Variants in SH2D5 observed in about 807,000 individuals in gnomAD.
SH2D5 encodes SH2 domain containing 5.
SH2D5 carries 45 observed loss-of-function variants against 48.2 expected under a neutral mutation model. The observed-to-expected ratio is 0.93, with a 90% CI of 0.73 to 1.20. The LOEUF is 1.20. Among genes scored for constraint, SH2D5 ranks in the 50% most tolerant of loss-of-function variants. The pLI is 0.00. For synonymous variants in SH2D5, 230 were observed against 249.8 expected, an observed-to-expected ratio of 0.92 and a Z score of 0.75; for missense variants, 538 against 584.1, an observed-to-expected ratio of 0.92 and a Z score of 0.81.
At chr1:20,725,086 T>G (rs957828468) in intron 5 of SH2D5, among the ~76,000 whole-genome samples, 1 of 152,228 alleles carries the variant, frequency 6.6e-6, no homozygotes, top group African/African-American at 2.4e-5. Context: ...CTCGGTTTCC[T>G]CATCCCCACC....
chr1:20,723,865 C>T (rs956832067), intron 7 of SH2D5, 131 bp from the exon 8 acceptor site: 16 of 970,928 alleles, frequency 1.6e-5, no homozygotes, highest in Admixed American at 4.7e-5. Context: ...TATCTGCACA[C>T]GGGCCTTCCG....
At chr1:20,723,504 G>T (rs776927378) in intron 8 of SH2D5, 122 bp downstream of exon 8, 5 of 692,132 alleles carry the variant, frequency 7.2e-6, no homozygotes, top group Non-Finnish European at 1.2e-5. Context: ...CAGGCCTGAG[G>T]TCACTGAGGT....
At chr1:20,725,778 C>A (rs912059484) in intron 5 of SH2D5, 142 bp downstream of exon 5, 1 of 1,037,034 alleles carries the variant, frequency 9.6e-7, no homozygotes, top group African/African-American at 1.6e-5. Flanking sequence ...GGAAGAGCCA[C>A]AGAAAGAGCC....
In SH2D5 at chr1:20,719,834, A is replaced by C. The variant is rs971435758; in HGVS notation, c.*1958T>G. The C allele has an allele frequency of 2.6e-5, 4 of 152,242 alleles. No individual in the cohort carries two copies. The highest frequency in any genetic ancestry group is 4.4e-5 in the Non-Finnish European group (3 of 68,040). 9.4% of individuals were successfully genotyped at this position (152,242 alleles called of 1,614,324 possible). On this transcript the variant is annotated 3_prime_UTR_variant, in exon 10 of 10. Coordinates refer to ENST00000444387, the MANE Select transcript of SH2D5 (RefSeq NM_001103161.2). ...AAGAGAAAACTGTGGTCTCTGATTA[A>C]GACATGGAGTCTGCAAACAGGGGCC...
At chr1:20,722,728 C>A in intron 9 of SH2D5, 28 bp downstream of exon 9, 1 of 1,432,124 alleles carries the variant, frequency 7.0e-7, no homozygotes, top group Non-Finnish European at 9.2e-7. Context: ...CGGCAGGGCC[C>A]AGGCCCCTCT....
At position 20,728,164 on chromosome 1, in the gene SH2D5, TG is replaced by T. The variant is rs1553154773; in HGVS notation, c.-42-79del. 2.9e-6 allele frequency: 2 copies of T among 690,208 alleles called. No homozygotes were observed. The highest frequency in any genetic ancestry group is 3.6e-5 in the South Asian group (2 of 55,420). 42.8% of individuals were successfully genotyped at this position (690,208 alleles called of 1,614,324 possible). On this transcript the variant is annotated intron_variant, in intron 1 of 9. Transcript: ENST00000444387. The surrounding 1 kb of genome is among the most constrained non-coding windows in gnomAD (Gnocchi z 4.3). ...TGCCCCCCACAGGCCATTCATTCAC[TG>T]GCTTCCTGAGCAGCTGCTATGTGTG...
At chr1:20,731,539 C>A in intron 1 of SH2D5, 1 of 152,650 alleles carries the variant, frequency 6.6e-6, no homozygotes, top group Non-Finnish European at 1.5e-5. Flanking sequence ...AAGGTGCCCG[C>A]CCTCTGGGGG....
intron 9 of SH2D5, 70 bp from the exon 10 acceptor site, chr1:20,722,065 C>T: frequency 7.0e-7 from 1 of 1,424,842 alleles, no homozygotes; most frequent in Non-Finnish European, 9.6e-7. Flanking sequence ...GCCACCCGCT[C>T]CCACAGGAGC....
At chr1:20,723,783 T>G (rs2054737529) in intron 7 of SH2D5, 49 bp from the exon 8 acceptor site, 2 of 1,463,118 alleles carry the variant, frequency 1.4e-6, no homozygotes, top group Non-Finnish European at 1.9e-6. Context: ...AGCCCTCCCA[T>G]TCCCTGCGGC....
chr1:20,722,390 T>C (rs954209321), intron 9 of SH2D5, among the ~76,000 whole-genome samples: 1 of 152,176 alleles, frequency 6.6e-6, no homozygotes, highest in Non-Finnish European at 1.5e-5. Flanking sequence ...ATGTTAGACA[T>C]GACCCCAGCT....
rs1277771487 is a variant in SH2D5, at chr1:20,725,920, C to G, written c.390G>C (p.Glu130Asp). Residue 130 changes from glutamate (E) to aspartate (D), a missense_variant and splice_region_variant, in exon 5 of 10, where the codon GAG (glutamate) becomes GAC (aspartate). Physicochemically the swap from Glu to Asp is conservative, Grantham distance 45. Coordinates refer to ENST00000444387, the MANE Select transcript of SH2D5 (RefSeq NM_001103161.2). ...CHLFVGSQPGEVQILHLLLCR... is the reference protein window; with the variant it reads ...CHLFVGSQPGDVQILHLLLCR... The stretch of plus-strand genomic sequence containing the variant: ...GTCCCCTGCCTCAAGCCCCAGATAC[C>G]TCTCCTGGCTGGCTGCCCACAAAGA... 1 of 1,612,964 alleles carries G rather than the reference C, an allele frequency of 6.2e-7. No individual in the cohort carries two copies. The highest frequency in any genetic ancestry group is 8.5e-7 in the Non-Finnish European group (1 of 1,179,888).
Position 20,721,390 on chromosome 1 carries a change from C to A in SH2D5, c.*402G>T, listed in dbSNP as rs2054682527. On this transcript the variant is annotated 3_prime_UTR_variant, in exon 10 of 10. Coordinates refer to ENST00000444387, the MANE Select transcript of SH2D5 (RefSeq NM_001103161.2). ...CTCCTGCCTCCCCAAAACCCTCTTT[C>A]TGGAGACTCCCAGTCAGCGCCCCAA... The A allele has an allele frequency of 5.5e-6, 1 of 183,146 alleles. No individual in the cohort carries two copies. The highest frequency in any genetic ancestry group is 1.1e-5 in the Non-Finnish European group (1 of 89,198). 11.3% of individuals were successfully genotyped at this position (183,146 alleles called of 1,614,324 possible).
chr1:20,727,866 A>G, intron 2 of SH2D5, 92 bp downstream of exon 2: 1 of 1,070,540 alleles, frequency 9.3e-7, no homozygotes, highest in Non-Finnish European at 1.4e-6. Flanking sequence ...AGGTGGAAAT[A>G]GGTCCTAGGC....
rs2054840072 is a variant in SH2D5, at chr1:20,728,097, CA to C, written c.-42-12del. The C allele has an allele frequency of 6.0e-6, 8 of 1,340,168 alleles. No homozygotes were observed. Among genetic ancestry groups the C allele is most frequent in the Non-Finnish European group, 8.2e-6 (8 of 971,020 alleles). The allele number at this position is 1,340,168 out of a possible 1,614,324, so 83.0% of individuals were successfully genotyped here. ...CCACGGGAGGGGAGGCTGCAAAGGG[CA>C]GGGGGGGAAGGGCTGCTTTCGAGGC... On this transcript the variant is annotated splice_polypyrimidine_tract_variant and intron_variant, in intron 1 of 9. Transcript: ENST00000444387. This position sits in a 1 kb window ranked among gnomAD's most constrained non-coding sequence, Gnocchi z 4.3.
Position 20,732,077 on chromosome 1 carries a change from G to C in SH2D5, c.-43+104C>G, listed in dbSNP as rs1242505803. 6.6e-6 allele frequency: 1 copy of C among 151,910 alleles called. No individual in the cohort carries two copies. Among genetic ancestry groups the C allele is most frequent in the Non-Finnish European group, 1.5e-5 (1 of 67,804 alleles). 9.4% of individuals were successfully genotyped at this position (151,910 alleles called of 1,614,324 possible). A position where few individuals can be genotyped will look rare whatever the true frequency, so the allele number is the denominator to read the frequency against. ...TCCCGCCGCCGCAGCCCCGCGCCTG[G>C]GTGCCCGCTTCCCGCCGCCCCCGAC... On this transcript the variant is annotated intron_variant, in intron 1 of 9. Transcript: ENST00000444387. This position sits in a 1 kb window ranked among gnomAD's most constrained non-coding sequence, Gnocchi z 5.1.
Position 20,722,830 on chromosome 1 carries a change from G to A in SH2D5, c.994C>T (p.Leu332=), listed in dbSNP as rs761925263. The A allele has an allele frequency of 5.6e-6, 9 of 1,605,316 alleles. No individual in the cohort carries two copies. Among genetic ancestry groups the A allele is most frequent in the East Asian group, 2.3e-5 (1 of 44,416 alleles). ...PELGASGQWC[L]SVRTQCGVVP... ...ACGCCGCACTGCGTGCGCACGGACAGACACCACTGGCCGCTAGCACCCAGC... is the reference window on the plus strand; with the variant it reads ...ACGCCGCACTGCGTGCGCACGGACAAACACCACTGGCCGCTAGCACCCAGC... Residue 332 remains leucine (L), a synonymous_variant, in exon 9 of 10, where the codon CTG becomes TTG. Transcript: ENST00000444387.
Position 20,722,806 on chromosome 1 carries a change from C to G in SH2D5, c.1018G>C (p.Val340Leu). 6.3e-7 allele frequency: 1 copy of G among 1,596,496 alleles called. No individual in the cohort carries two copies. Among genetic ancestry groups the G allele is most frequent in the Non-Finnish European group, 8.5e-7 (1 of 1,171,680 alleles). The change falls in exon 9 of 10, where the codon GTG becomes CTG. Residue 340 changes from valine to leucine, a missense_variant. Coordinates refer to ENST00000444387, the MANE Select transcript of SH2D5 (RefSeq NM_001103161.2). ...TTCCGGAAGACCTGGTGGGGCACCA[C>G]GCCGCACTGCGTGCGCACGGACAGA... is the stretch of plus-strand genomic sequence containing the variant. ...WCLSVRTQCG[V>L]VPHQVFRNHL... is the part of the protein sequence containing the mutation.
rs1302227565 is a variant in SH2D5 at position 20,726,049 on chromosome 1, A to G, written c.261T>C (p.His87=). 8.1e-6 allele frequency: 13 copies of G among 1,605,840 alleles called. No individual in the cohort carries two copies. In the South Asian group the frequency reaches 8.9e-5, roughly 11 times the overall value. ...SGEGEVLLMA[H]ALRRILYSTW... is the part of the protein sequence containing the mutation. ...TGGAGTAGAGTATGCGCCTCAGGGC[A>G]TGAGCCATCAGCAGCACCTGGCGAG... The change falls in exon 5 of 10, where the codon CAT becomes CAC. Residue 87 remains histidine (H), a synonymous_variant. Transcript: ENST00000444387.
chr1:20,732,453 C>G lies in SH2D5; in HGVS notation c.-315G>C, dbSNP rs545956138. On this transcript the variant is annotated 5_prime_UTR_variant, in exon 1 of 10. Transcript: ENST00000444387. The surrounding 1 kb of genome is among the most constrained non-coding windows in gnomAD (Gnocchi z 5.1). Reference sequence around the variant, plus strand: ...CTACCGCACCGCCTCCTCCGGGAAGCCTTCCACGACCACCACTCACGCTTC... The same window carrying G: ...CTACCGCACCGCCTCCTCCGGGAAGGCTTCCACGACCACCACTCACGCTTC... 1 of 152,710 alleles carries G rather than the reference C, an allele frequency of 6.5e-6. No individual in the cohort carries two copies. The allele number at this position is 152,710 out of a possible 1,614,324, so 9.5% of individuals were successfully genotyped here.
Sources: allele counts gnomAD v4.1 joint callset (sites outside exome capture counted in the v4.1 genomes callset), GRCh38; gene constraint gnomAD v4.1.1; non-coding constraint Gnocchi (gnomAD v3.1); transcripts MANE v1.5; gene names NCBI Gene and HGNC (gene_info 2026-07-23, HGNC 2026-07-21).